The following PUS7L variants were observed in gnomAD, a reference collection of about 807,000 sequenced individuals.
The protein encoded by PUS7L is pseudouridylate synthase PUS7L.
In PUS7L, 49 loss-of-function variants were observed where a neutral mutation model predicts 51.1. The observed-to-expected ratio is 0.96, with a 90% CI of 0.76 to 1.22. The LOEUF (loss-of-function observed/expected upper bound fraction) is 1.22. Ranked by LOEUF, PUS7L falls within the 50% of genes most tolerant of loss-of-function variation. The pLI is 0.00. For synonymous variants in PUS7L, 277 were observed against 276.2 expected (o/e 1.00, Z -0.03); for missense variants, 828 against 820.6 (o/e 1.01, Z -0.11).
chr12:43,734,550 A>G (rs1267942765), intron 7 of PUS7L, among the ~76,000 whole-genome samples: 1 of 152,198 alleles, frequency 6.6e-6, no homozygotes, highest in Non-Finnish European at 1.5e-5. Context: ...GAATTCTGAC[A>G]TTAATTTAGA....
chr12:43,753,096 A>T (rs1938534322), intron 2 of PUS7L, among the ~76,000 whole-genome samples: 1 of 152,170 alleles, frequency 6.6e-6, no homozygotes, highest in Non-Finnish European at 1.5e-5. Context: ...GAGCTGCTTA[A>T]ATCACTCACC....
rs767979923 is a variant in PUS7L, at chr12:43,738,374, C to T, written c.1380G>A (p.Leu460=). The change falls in exon 6 of 9, where the codon TTG becomes TTA. Residue 460 remains leucine (L), a synonymous_variant. Transcript: ENST00000344862. ...LKNEMMKAIK[L]FLTPEDLDDP... The stretch of plus-strand genomic sequence containing the variant: ...CATCCAAGTCTTCTGGTGTAAGAAA[C>T]AATTTTATGGCTTTCATCTTAAAAA... The T allele has an allele frequency of 5.1e-6, 8 of 1,580,710 alleles. No homozygotes were observed. Among genetic ancestry groups the T allele is most frequent in the South Asian group, 2.2e-5 (2 of 89,702 alleles).
In PUS7L at chr12:43,754,413, ACT is replaced by A. The variant is rs753380455; in HGVS notation, c.831_832del (p.Val278LysfsTer16). 1 of 1,613,076 alleles carries A rather than the reference ACT, an allele frequency of 6.2e-7. No homozygotes were observed. The highest frequency in any genetic ancestry group is 1.1e-5 in the South Asian group (1 of 90,810). ...TTTGTGTGCTTTTTCCCGAAATCTT[ACT>A]GTTACCACCACATTCGGATTACCAG... On this transcript the variant is annotated frameshift_variant, in exon 2 of 9. Transcript: ENST00000344862. LOFTEE classifies it high-confidence loss of function.
Position 43,723,082 on chromosome 12 carries a change from A to T in PUS7L, c.*7294T>A, listed in dbSNP as rs947595784. 8 of 152,104 alleles carry T rather than the reference A, an allele frequency of 5.3e-5. No individual in the cohort carries two copies. Among genetic ancestry groups the T allele is most frequent in the African/African-American group, 1.9e-4 (8 of 41,456 alleles). The allele number at this position is 152,104 out of a possible 1,614,324, so 9.4% of individuals were successfully genotyped here. A position where few individuals can be genotyped will look rare whatever the true frequency, so the allele number is the denominator to read the frequency against. The stretch of plus-strand genomic sequence containing the variant: ...CAAAAAAGACAATTTAATATATCTT[A>T]TATTTTGTAATATGTTCTAAAGACT... On this transcript the variant is annotated 3_prime_UTR_variant, in exon 9 of 9. Transcript: ENST00000344862.
intron 1 of PUS7L, among the ~76,000 whole-genome samples, chr12:43,756,686 CA>C (rs1366504706): frequency 3.9e-5 from 6 of 152,168 alleles, no homozygotes; most frequent in Non-Finnish European, 8.8e-5. Flanking sequence ...CTGTCACGGT[CA>C]TAACTTTGAC....
In PUS7L at chr12:43,741,605, C is replaced by T. The variant is rs145235182; in HGVS notation, c.1362+852G>A. 5.1e-3 allele frequency among the ~76,000 whole-genome samples: 780 copies of T among 152,288 alleles called. 4 individuals are homozygous for T. Among genetic ancestry groups the T allele is most frequent in the Non-Finnish European group, 8.2e-3 (557 of 68,012 alleles). ...CAGAGTTTTCTAGACTGAAGAACCA[C>T]TGCTGAGGTAAACATTTCTAGACTC... On this transcript the variant is annotated intron_variant, in intron 5 of 8. Transcript: ENST00000344862.
intron 5 of PUS7L, chr12:43,739,695 T>G (rs1937798976): frequency 6.6e-6 from 1 of 152,166 alleles, no homozygotes; most frequent in South Asian, 2.1e-4. Context: ...CACAAATAAC[T>G]GGCTTTTTTA....
rs567124783 is a variant in PUS7L, at chr12:43,720,320, A to T, written c.*10056T>A. 1 of 152,082 alleles carries T rather than the reference A, an allele frequency of 6.6e-6. No homozygotes were observed. The highest frequency in any genetic ancestry group is 6.6e-5 in the Admixed American group (1 of 15,254). 9.4% of individuals were successfully genotyped at this position (152,082 alleles called of 1,614,324 possible). On this transcript the variant is annotated 3_prime_UTR_variant, in exon 9 of 9. Transcript: ENST00000344862. ...CCAACATGGTGAAATCCCATCTCTA[A>T]TAAAAATACAAAAATTAGCTGGGTA...
chr12:43,748,717 TTTGTTGTTG>T, intron 2 of PUS7L, 108 bp from the exon 3 acceptor site: 4 of 929,764 alleles, frequency 4.3e-6, no homozygotes, highest in Middle Eastern at 6.9e-4. Context: ...TCTAAGGAGT[TTTGTTGTTG>T]TTGTTGTTGT....
chr12:43,721,386 A>C lies in PUS7L; in HGVS notation c.*8990T>G, dbSNP rs1944395588. The stretch of plus-strand genomic sequence containing the variant: ...AATATTTCAATAAAAGGCAAAGATG[A>C]AAGTATTACAAAAGAAAAAGCATTA... On this transcript the variant is annotated 3_prime_UTR_variant, in exon 9 of 9. Transcript: ENST00000344862. The C allele has an allele frequency of 6.6e-6, 1 of 152,216 alleles. No homozygotes were observed. The highest frequency in any genetic ancestry group is 2.4e-5 in the African/African-American group (1 of 41,464). The allele number at this position is 152,216 out of a possible 1,614,324, so 9.4% of individuals were successfully genotyped here.
Position 43,724,758 on chromosome 12 carries a change from C to T in PUS7L, c.*5618G>A, listed in dbSNP as rs1350618318. The T allele has an allele frequency of 6.6e-6, 1 of 152,118 alleles. No homozygotes were observed. Among genetic ancestry groups the T allele is most frequent in the Non-Finnish European group, 1.5e-5 (1 of 67,992 alleles). 9.4% of individuals were successfully genotyped at this position (152,118 alleles called of 1,614,324 possible). ...GATTCTCAACTGTACCAGTATATTT[C>T]CCATACTCTAATCCTTCATGTATTG... On this transcript the variant is annotated 3_prime_UTR_variant, in exon 9 of 9. Transcript: ENST00000344862.
Position 43,719,611 on chromosome 12 carries a change from A to G in PUS7L, c.*10765T>C, listed in dbSNP as rs938194606. The G allele has an allele frequency of 1.3e-5, 2 of 152,178 alleles. No individual in the cohort carries two copies. The highest frequency in any genetic ancestry group is 2.1e-4 in the South Asian group (1 of 4,836). The allele number at this position is 152,178 out of a possible 1,614,324, so 9.4% of individuals were successfully genotyped here. ...AACACATCTGGCCCTGACCTTCCCT[A>G]TATGGAAAAATTTTAAACTACTGGT... On this transcript the variant is annotated 3_prime_UTR_variant, in exon 9 of 9. Transcript: ENST00000344862.
chr12:43,755,679 CTAAGT>C (rs1938666074), intron 1 of PUS7L, among the ~76,000 whole-genome samples: 1 of 152,128 alleles, frequency 6.6e-6, no homozygotes, highest in Non-Finnish European at 1.5e-5. Flanking sequence ...GAACATGTGG[CTAAGT>C]TTTCTTATAT....
At chr12:43,732,579 T>C (rs940867325) in intron 7 of PUS7L, among the ~76,000 whole-genome samples, 1 of 152,212 alleles carries the variant, frequency 6.6e-6, no homozygotes, top group Non-Finnish European at 1.5e-5. Context: ...AATGTGGCTC[T>C]AGGATATCAC....
intron 4 of PUS7L, 86 bp from the exon 5 acceptor site, chr12:43,742,641 T>G (rs1937958785): frequency 6.9e-7 from 1 of 1,449,804 alleles, no homozygotes; most frequent in Non-Finnish European, 9.1e-7. Flanking sequence ...CTCTTCATAA[T>G]TATTTTAACA....
At chr12:43,755,372 G>C (rs1431752474) in intron 1 of PUS7L, 111 bp from the exon 2 acceptor site, 2 of 645,976 alleles carry the variant, frequency 3.1e-6, no homozygotes, top group Non-Finnish European at 5.2e-6. Flanking sequence ...TTAATTCTGA[G>C]TCTTCTTAAA....
At position 43,729,718 on chromosome 12, in the gene PUS7L, A is replaced by G. The variant is rs1271132080; in HGVS notation, c.*658T>C. 1.3e-5 allele frequency: 2 copies of G among 152,658 alleles called. No individual in the cohort carries two copies. Among genetic ancestry groups the G allele is most frequent in the African/African-American group, 4.8e-5 (2 of 41,484 alleles). The allele number at this position is 152,658 out of a possible 1,614,324, so 9.5% of individuals were successfully genotyped here. On this transcript the variant is annotated 3_prime_UTR_variant, in exon 9 of 9. Coordinates refer to ENST00000344862, the MANE Select transcript of PUS7L (RefSeq NM_031292.5). ...AAGAATGAATCTGTCTGACTCTAAC[A>G]CCTGTTTTAGATAATATGAAAAAAT...
chr12:43,755,956 T>C (rs1362156223), intron 1 of PUS7L, among the ~76,000 whole-genome samples: 1 of 152,206 alleles, frequency 6.6e-6, no homozygotes, highest in African/African-American at 2.4e-5. Flanking sequence ...AATAGTACTC[T>C]GATCTCTCAC....
chr12:43,745,834 C>A (rs113285496), intron 4 of PUS7L, among the ~76,000 whole-genome samples: 18 of 151,884 alleles, frequency 1.2e-4, no homozygotes, highest in African/African-American at 2.4e-4. Context: ...ATCATGTTTA[C>A]ATATTTTGTT....
Sources: gnomAD v4.1 joint callset for allele counts (sites outside exome capture counted in the v4.1 genomes callset) on GRCh38, gnomAD v4.1.1 for gene constraint, MANE v1.5 for transcripts, NCBI Gene and HGNC (gene_info 2026-07-23, HGNC 2026-07-21) for gene names.